The following ESRP1 variants were observed in gnomAD, a reference collection of about 807,000 sequenced individuals.
ESRP1 encodes RNA-binding motif protein 35A.
In ESRP1, 33 loss-of-function variants were observed where a neutral mutation model predicts 81.7. That is an observed-to-expected ratio of 0.40 (90% confidence interval 0.31 to 0.54). ESRP1 has a LOEUF of 0.54. ESRP1 is among the 20% of genes least tolerant of loss of function. The pLI is 0.41. For missense variants in ESRP1, 672 were observed against 833.1 expected, an observed-to-expected ratio of 0.81 and a Z score of 2.38; for synonymous variants, 320 against 303.3, an observed-to-expected ratio of 1.06 and a Z score of -0.57.
chr8:94,691,942 C>T (rs1415748251), intron 13 of ESRP1, among the ~76,000 whole-genome samples: 1 of 152,018 alleles, frequency 6.6e-6, no homozygotes, highest in East Asian at 1.9e-4. Context: ...TGGGTGGGAA[C>T]AGGGTGAAAC....
intron 12 of ESRP1, among the ~76,000 whole-genome samples, chr8:94,676,998 A>C (rs1016509701): frequency 6.6e-6 from 1 of 152,138 alleles, no homozygotes; most frequent in African/African-American, 2.4e-5. Flanking sequence ...ACTAAAAAAA[A>C]ATTCAAGAAA....
At chr8:94,647,144 T>C (rs898955746) in intron 4 of ESRP1, among the ~76,000 whole-genome samples, 1 of 152,238 alleles carries the variant, frequency 6.6e-6, no homozygotes, top group African/African-American at 2.4e-5. Flanking sequence ...CGATTTTTTT[T>C]CCTGATTGAA....
At chr8:94,703,258 G>A (rs1011224875) in intron 15 of ESRP1, among the ~76,000 whole-genome samples, 9 of 151,722 alleles carry the variant, frequency 5.9e-5, no homozygotes, top group Admixed American at 5.9e-4. Flanking sequence ...GGGTTCAAGC[G>A]ATTCTCCTGC....
intron 10 of ESRP1, among the ~76,000 whole-genome samples, chr8:94,669,762 C>T (rs1414038127): frequency 4.0e-5 from 6 of 150,818 alleles, no homozygotes; most frequent in African/African-American, 9.7e-5. Flanking sequence ...CCCAGCTACT[C>T]GGGAGGCTGA....
chr8:94,700,478 G>C (rs1809778477), intron 15 of ESRP1, among the ~76,000 whole-genome samples: 1 of 152,196 alleles, frequency 6.6e-6, no homozygotes, highest in African/African-American at 2.4e-5. Flanking sequence ...AAGAGGCAAG[G>C]ACCTGACTGC....
intron 12 of ESRP1, among the ~76,000 whole-genome samples, chr8:94,677,443 A>G (rs1221443061): frequency 6.6e-6 from 1 of 152,170 alleles, no homozygotes; most frequent in African/African-American, 2.4e-5. Flanking sequence ...TTCTAAACCT[A>G]GAAGATGTTT....
intron 4 of ESRP1, among the ~76,000 whole-genome samples, chr8:94,650,439 TG>T (rs1405163417): frequency 6.6e-6 from 1 of 152,226 alleles, no homozygotes; most frequent in East Asian, 1.9e-4. Flanking sequence ...GTTGGAATCA[TG>T]TAGTATGTAA....
intron 13 of ESRP1, chr8:94,688,530 C>T (rs1586245314): frequency 4.7e-6 from 1 of 212,620 alleles, no homozygotes; most frequent in South Asian, 7.8e-5. Flanking sequence ...TTTCATTATA[C>T]TGACAACTTC....
chr8:94,665,982 T>A (rs1818996945), intron 9 of ESRP1, among the ~76,000 whole-genome samples: 1 of 152,154 alleles, frequency 6.6e-6, no homozygotes, highest in Non-Finnish European at 1.5e-5. Flanking sequence ...AAAAACAGGG[T>A]GGAACAGATG....
rs751236832 is a variant in ESRP1, at chr8:94,671,415, C to G, written c.1234-38C>G. 7 of 1,568,908 alleles carry G rather than the reference C, an allele frequency of 4.5e-6. No homozygotes were observed. The East Asian group carries it at 1.4e-4, about 30-fold the overall frequency. ...TGATCTGCAGAAAGCAGGGGAGTAG[C>G]ACAGCTCTAAATTACTTCTGTTTTG... On this transcript the variant is annotated intron_variant, in intron 10 of 15. Transcript: ENST00000433389.
chr8:94,703,355 T>C (rs1158873552), intron 15 of ESRP1, among the ~76,000 whole-genome samples: 2 of 152,094 alleles, frequency 1.3e-5, no homozygotes, highest in South Asian at 4.2e-4. Flanking sequence ...GGTTTCACCA[T>C]GTTGGCCAGG....
At chr8:94,650,948 G>A (rs182971784) in intron 4 of ESRP1, among the ~76,000 whole-genome samples, 1 of 152,022 alleles carries the variant, frequency 6.6e-6, no homozygotes, top group African/African-American at 2.4e-5. Flanking sequence ...CTCGTGATCC[G>A]CCCGCCTTGG....
chr8:94,701,355 G>A (rs1166194193), intron 15 of ESRP1, among the ~76,000 whole-genome samples: 1 of 151,652 alleles, frequency 6.6e-6, no homozygotes, highest in Non-Finnish European at 1.5e-5. Context: ...CCCACAGCGA[G>A]GTCTGGTAAA....
At position 94,659,385 on chromosome 8, in the gene ESRP1, C is replaced by A. The variant is rs1007514953; in HGVS notation, c.491-2887C>A. On this transcript the variant is annotated intron_variant, in intron 4 of 15. Transcript: ENST00000433389. ...TGTTTTGGGGCACCATAAAGCAGGG[C>A]CATATTAGGTGGCAAACTTAATTGG... 9.2e-5 allele frequency among the ~76,000 whole-genome samples: 14 copies of A among 152,072 alleles called. No individual in the cohort carries two copies. In the South Asian group the frequency reaches 2.7e-3, roughly 29 times the overall value.
chr8:94,701,352 C>T (rs1360826355), intron 15 of ESRP1, among the ~76,000 whole-genome samples: 2 of 151,872 alleles, frequency 1.3e-5, no homozygotes, highest in East Asian at 1.9e-4. Flanking sequence ...ACACCCACAG[C>T]GAGGTCTGGT....
chr8:94,669,874 CAAAAAAA>C (rs1263306176), intron 10 of ESRP1, among the ~76,000 whole-genome samples: 28 of 89,638 alleles, frequency 3.1e-4, no homozygotes, highest in East Asian at 8.1e-4. Context: ...CTCCCGCTAC[CAAAAAAA>C]AAAAAAAAAA....
At chr8:94,644,679 G>A (rs1817758763) in intron 3 of ESRP1, among the ~76,000 whole-genome samples, 1 of 152,146 alleles carries the variant, frequency 6.6e-6, no homozygotes, top group South Asian at 2.1e-4. Context: ...TATTTAGGTG[G>A]AGTGCTTTGG....
At chr8:94,647,726 A>G (rs1412988986) in intron 4 of ESRP1, among the ~76,000 whole-genome samples, 1 of 152,210 alleles carries the variant, frequency 6.6e-6, no homozygotes, top group African/African-American at 2.4e-5. Context: ...TTCAGTTCTT[A>G]AGTATATATT....
chr8:94,653,612 C>G (rs940432006), intron 4 of ESRP1, among the ~76,000 whole-genome samples: 4 of 151,998 alleles, frequency 2.6e-5, no homozygotes, highest in Middle Eastern at 3.2e-3. Flanking sequence ...TTTTTTTAAC[C>G]TTATGTGAGA....
Sources: gnomAD v4.1 joint callset for allele counts (sites outside exome capture counted in the v4.1 genomes callset) on GRCh38, gnomAD v4.1.1 for gene constraint, MANE v1.5 for transcripts, NCBI Gene and HGNC (gene_info 2026-07-23, HGNC 2026-07-21) for gene names.